Variants in NDUFAF6 observed in about 807,000 individuals in gnomAD.
NDUFAF6 encodes NADH dehydrogenase (ubiquinone) complex I, assembly factor 6.
Under a neutral mutation model 40.8 loss-of-function variants are expected in NDUFAF6, and 45 were observed. The observed-to-expected ratio is 1.10, with a 90% confidence interval of 0.87 to 1.42. The LOEUF (loss-of-function observed/expected upper bound fraction) is 1.42. NDUFAF6 is among the 40% of genes most tolerant of loss of function. NDUFAF6 has a pLI of 0.00. For synonymous variants in NDUFAF6, 185 were observed against 155.9 expected (o/e 1.19, Z -1.39); for missense variants, 435 against 418.5 (o/e 1.04, Z -0.34).
downstream of NDUFAF6, among the ~76,000 whole-genome samples, chr8:95,079,411 G>A (rs1205398027): frequency 1.3e-5 from 2 of 152,220 alleles, no homozygotes; most frequent in Non-Finnish European, 2.9e-5. Context: ...CCCAAGAATA[G>A]CAGGTCTTTA....
At chr8:95,036,180 G>A (rs1829480438) in intron 3 of NDUFAF6, 5 of 665,874 alleles carry the variant, frequency 7.5e-6, no homozygotes, top group Non-Finnish European at 8.5e-6. Flanking sequence ...TTATAGTAAA[G>A]CAGCTGTATG....
intron 1 of NDUFAF6, among the ~76,000 whole-genome samples, chr8:94,944,148 A>C (rs553921931): frequency 6.6e-6 from 1 of 152,236 alleles, no homozygotes; most frequent in Non-Finnish European, 1.5e-5. Context: ...TTGAGAGAAT[A>C]AGCCCAATTC....
At chr8:94,959,786 C>T (rs905456317) in intron 1 of NDUFAF6, among the ~76,000 whole-genome samples, 5 of 152,306 alleles carry the variant, frequency 3.3e-5, no homozygotes, top group Middle Eastern at 3.4e-3. Flanking sequence ...GTGATCCTCT[C>T]GCCTTGCCCT....
At position 95,046,882 on chromosome 8, in the gene NDUFAF6, A is replaced by G. The variant is rs373145166; in HGVS notation, c.581-112A>G. ...CTCATAAATCCTGTTTTTCAGATGT[A>G]AAACAGGATAAATGTCTCCTTTTAC... On this transcript the variant is annotated intron_variant, in intron 5 of 8. Transcript: ENST00000396124. 355 of 1,456,260 alleles carry G rather than the reference A, an allele frequency of 2.4e-4. No individual in the cohort carries two copies. The African/African-American group carries it at 4.3e-3, about 18-fold the overall frequency. 90.2% of individuals were successfully genotyped at this position (1,456,260 alleles called of 1,614,324 possible).
intron 1 of NDUFAF6, among the ~76,000 whole-genome samples, chr8:94,980,276 C>T (rs773933249): frequency 4.6e-5 from 7 of 150,888 alleles, no homozygotes; most frequent in Non-Finnish European, 1.0e-4. Flanking sequence ...AATTGAACCA[C>T]TCATGTTAAA....
chr8:95,094,869 C>G (rs60725713), intron 2 of NDUFAF6, among the ~76,000 whole-genome samples: 13,646 of 151,196 alleles, frequency 0.09, 2,065 homozygotes, highest in African/African-American at 0.31. Context: ...CCTCCTGCAT[C>G]AGCTTCCTGA....
chr8:94,940,335 AAG>A, intron 1 of NDUFAF6: 1 of 1,251,030 alleles, frequency 8.0e-7, no homozygotes, highest in Non-Finnish European at 1.1e-6. Context: ...AGCACAGAAA[AAG>A]AAGAGATGAT....
intron 7 of NDUFAF6, among the ~76,000 whole-genome samples, chr8:95,051,233 G>A (rs1345892386): frequency 1.3e-5 from 2 of 152,112 alleles, no homozygotes; most frequent in African/African-American, 4.8e-5. Context: ...TGTTTACAAG[G>A]TAAAAGGAGA....
chr8:94,967,854 T>C (rs185248186), intron 1 of NDUFAF6, among the ~76,000 whole-genome samples: 1 of 151,688 alleles, frequency 6.6e-6, no homozygotes, highest in Non-Finnish European at 1.5e-5. Context: ...GGCAGGAGAA[T>C]CGTTCGAACC....
chr8:94,956,831 A>C (rs1214102906), upstream of NDUFAF6, among the ~76,000 whole-genome samples: 1 of 152,120 alleles, frequency 6.6e-6, no homozygotes, highest in Non-Finnish European at 1.5e-5. Context: ...AGAATCAAGG[A>C]TGGTGCTTGG....
downstream of NDUFAF6, among the ~76,000 whole-genome samples, chr8:95,060,108 A>G (rs1250046587): frequency 6.6e-6 from 1 of 152,144 alleles, no homozygotes; most frequent in Non-Finnish European, 1.5e-5. Context: ...AAATAATTTC[A>G]AAATACTTTC....
chr8:94,969,450 C>T (rs540845218), intron 1 of NDUFAF6, among the ~76,000 whole-genome samples: 27 of 152,270 alleles, frequency 1.8e-4, no homozygotes, highest in Admixed American at 1.2e-3. Context: ...CTTGCAAAGT[C>T]ATAAGGTCAG....
chr8:94,927,269 T>C (rs1819978817), intron 1 of NDUFAF6: 1 of 152,578 alleles, frequency 6.6e-6, no homozygotes, highest in Admixed American at 6.5e-5. Flanking sequence ...AGATAATATA[T>C]AATGTATTTC....
chr8:95,014,298 A>G (rs1437511019), intron 2 of NDUFAF6, among the ~76,000 whole-genome samples: 1 of 152,250 alleles, frequency 6.6e-6, no homozygotes, highest in Admixed American at 6.5e-5. Context: ...TGTGTCAAAC[A>G]GTTCACTGTG....
At chr8:94,921,446 A>G (rs984016347) in intron 1 of NDUFAF6, among the ~76,000 whole-genome samples, 2 of 152,198 alleles carry the variant, frequency 1.3e-5, no homozygotes, top group Non-Finnish European at 2.9e-5. Context: ...TTACTCCTGG[A>G]GCTGGGAATA....
At chr8:94,987,023 A>T (rs1459009770) in intron 2 of NDUFAF6, among the ~76,000 whole-genome samples, 1 of 152,154 alleles carries the variant, frequency 6.6e-6, no homozygotes, top group Non-Finnish European at 1.5e-5. Context: ...TGTATCCACC[A>T]CTCAGCTTCA....
At chr8:95,076,548 T>A (rs1020541215), downstream of NDUFAF6, among the ~76,000 whole-genome samples, 1 of 152,248 alleles carries the variant, frequency 6.6e-6, no homozygotes, top group Admixed American at 6.5e-5. Flanking sequence ...GTGCTCACTG[T>A]GTGCCAGTTA....
At chr8:95,031,140 A>G (rs1355618428) in intron 1 of NDUFAF6, among the ~76,000 whole-genome samples, 1 of 152,322 alleles carries the variant, frequency 6.6e-6, no homozygotes, top group African/African-American at 2.4e-5. Context: ...AAATATCCAG[A>G]TATCAGAGCC....
At chr8:94,940,445 CTGTGTGTGTG>C (rs60473555) in intron 1 of NDUFAF6, among the ~76,000 whole-genome samples, 24 of 150,358 alleles carry the variant, frequency 1.6e-4, no homozygotes, top group Admixed American at 7.9e-4. Context: ...CACAGAAATT[CTGTGTGTGTG>C]TGTGTGTGTG....
Sources: allele counts gnomAD v4.1 joint callset (sites outside exome capture counted in the v4.1 genomes callset), GRCh38; gene constraint gnomAD v4.1.1; transcripts MANE v1.5; gene names NCBI Gene and HGNC (gene_info 2026-07-23, HGNC 2026-07-21).